The following CSMD1 variants were observed in gnomAD, a reference collection of about 807,000 sequenced individuals.
The protein encoded by CSMD1 is CUB and Sushi multiple domains 1.
CSMD1 carries 213 observed loss-of-function variants against 417.5 expected under a neutral mutation model. The ratio of observed to expected loss-of-function variants is 0.51; its 90% confidence interval spans 0.46 to 0.57. The LOEUF is 0.57. Among genes scored for constraint, CSMD1 ranks in the 20% least tolerant of loss-of-function variants. The pLI is 0.00. For missense variants in CSMD1, 6,923 were observed against 4,529.7 expected, an observed-to-expected ratio of 1.53 and a Z score of -15.17; for synonymous variants, 2,862 against 1,736.8, an observed-to-expected ratio of 1.65 and a Z score of -16.11.
intron 18 of CSMD1, among the ~76,000 whole-genome samples, chr8:3,379,366 T>C (rs983105089): frequency 6.6e-6 from 1 of 152,166 alleles, no homozygotes; most frequent in African/African-American, 2.4e-5. Flanking sequence ...CAAGCTACCA[T>C]TGACTTTCTT....
At chr8:4,814,945 G>C (rs1378632691) in intron 1 of CSMD1, among the ~76,000 whole-genome samples, 1 of 152,040 alleles carries the variant, frequency 6.6e-6, no homozygotes, top group Non-Finnish European at 1.5e-5. Flanking sequence ...CATTATGACT[G>C]TTTATTATAG....
chr8:4,231,128 G>A (rs909997528), intron 3 of CSMD1, among the ~76,000 whole-genome samples: 4 of 152,170 alleles, frequency 2.6e-5, no homozygotes, highest in Non-Finnish European at 4.4e-5. Context: ...AACTACAGAA[G>A]AGTATTACGA....
intron 1 of CSMD1, among the ~76,000 whole-genome samples, chr8:4,765,866 C>T (rs533363761): frequency 6.6e-6 from 1 of 152,138 alleles, no homozygotes; most frequent in Admixed American, 6.6e-5. Context: ...TTCTCTTGGC[C>T]CAGAAGCTAA....
chr8:3,680,640 C>T (rs1196689087), intron 7 of CSMD1, among the ~76,000 whole-genome samples: 1 of 152,188 alleles, frequency 6.6e-6, no homozygotes, highest in Non-Finnish European at 1.5e-5. Context: ...CCTTCTGAAA[C>T]TATTCCAATC....
Position 4,846,793 on chromosome 8 carries a change from G to C in CSMD1, c.85+147539C>G, listed in dbSNP as rs904582232. ...TTTAACTAAGTTAGAAAGTAAATTA[G>C]ACAGCAAATGTGTTTGCAAAACTAT... On this transcript the variant is annotated intron_variant, in intron 1 of 69. Transcript: ENST00000635120. Among the ~76,000 whole-genome samples, 85 of 152,132 alleles carry C rather than the reference G, an allele frequency of 5.6e-4. 3 individuals carry two copies. Among genetic ancestry groups the C allele is most frequent in the Non-Finnish European group, 1.5e-5 (1 of 68,034 alleles).
chr8:4,511,279 G>A (rs987793351), intron 2 of CSMD1, among the ~76,000 whole-genome samples: 4 of 152,124 alleles, frequency 2.6e-5, no homozygotes, highest in Non-Finnish European at 5.9e-5. Flanking sequence ...AATAGTCCCA[G>A]GGCTGGGAGC....
chr8:3,146,885 C>G (rs1369820890), intron 40 of CSMD1, among the ~76,000 whole-genome samples: 1 of 152,178 alleles, frequency 6.6e-6, no homozygotes, highest in East Asian at 1.9e-4. Context: ...AAACTGGCAA[C>G]TGCTTAACTC....
chr8:3,472,764 A>G (rs1245974950), intron 11 of CSMD1, among the ~76,000 whole-genome samples: 2 of 152,184 alleles, frequency 1.3e-5, no homozygotes, highest in South Asian at 2.1e-4. Flanking sequence ...AACTTTACTC[A>G]TAAGTATAAG....
chr8:3,909,930 C>T (rs1044468824), intron 5 of CSMD1, among the ~76,000 whole-genome samples: 4 of 152,104 alleles, frequency 2.6e-5, no homozygotes, highest in Admixed American at 6.5e-5. Flanking sequence ...TCTAATTAGA[C>T]AAGGAAGAAA....
intron 2 of CSMD1, among the ~76,000 whole-genome samples, chr8:4,422,794 G>T (rs189660058): frequency 2.0e-5 from 3 of 152,200 alleles, no homozygotes; most frequent in East Asian, 3.9e-4. Flanking sequence ...CCAAGTAAGA[G>T]AAAATAGAAA....
intron 5 of CSMD1, among the ~76,000 whole-genome samples, chr8:3,925,807 C>A (rs1043872457): frequency 6.6e-5 from 10 of 152,136 alleles, no homozygotes; most frequent in African/African-American, 2.4e-4. Flanking sequence ...ATGTCTTTAT[C>A]AGCAGCATTA....
intron 5 of CSMD1, among the ~76,000 whole-genome samples, chr8:3,863,033 C>T (rs148669447): frequency 0.023 from 3,451 of 152,216 alleles, 50 homozygotes; most frequent in Middle Eastern, 0.054. Flanking sequence ...TTGTCTCTGC[C>T]TCAAAGACGG....
intron 3 of CSMD1, among the ~76,000 whole-genome samples, chr8:4,204,215 T>G (rs576285178): frequency 9.2e-5 from 14 of 152,108 alleles, no homozygotes; most frequent in Non-Finnish European, 1.9e-4. Context: ...AAGTGGTTTT[T>G]CACACCAGAA....
chr8:3,713,188 T>A (rs1042402193), intron 6 of CSMD1, among the ~76,000 whole-genome samples: 1 of 152,220 alleles, frequency 6.6e-6, no homozygotes, highest in African/African-American at 2.4e-5. Context: ...ACCTAAGGGA[T>A]ACATTAATTT....
At chr8:3,207,599 G>A (rs1264130504) in intron 30 of CSMD1, among the ~76,000 whole-genome samples, 3 of 152,064 alleles carry the variant, frequency 2.0e-5, no homozygotes, top group African/African-American at 7.2e-5. Context: ...CTAAGGATAA[G>A]GCAACTTGTT....
chr8:3,269,355 C>G (rs546261240), intron 26 of CSMD1, among the ~76,000 whole-genome samples: 1 of 152,302 alleles, frequency 6.6e-6, no homozygotes, highest in Non-Finnish European at 1.5e-5. Flanking sequence ...CTTGTGCTGC[C>G]CTTCATAGGC....
intron 5 of CSMD1, among the ~76,000 whole-genome samples, chr8:3,807,259 G>C (rs1302726372): frequency 6.6e-6 from 1 of 152,074 alleles, no homozygotes; most frequent in Admixed American, 6.6e-5. Flanking sequence ...TCCATTCTTT[G>C]ATCAACAGAA....
At chr8:4,304,832 C>A (rs547405252) in intron 3 of CSMD1, among the ~76,000 whole-genome samples, 2 of 152,182 alleles carry the variant, frequency 1.3e-5, no homozygotes, top group African/African-American at 4.8e-5. Flanking sequence ...AACCACTGAA[C>A]TTTTGTCTTG....
At chr8:4,697,515 A>G (rs73512923) in intron 1 of CSMD1, among the ~76,000 whole-genome samples, 2,051 of 152,268 alleles carry the variant, frequency 0.013, 33 homozygotes, top group Middle Eastern at 0.037. Context: ...GTGGAATTCT[A>G]TGTCCTGTAT....
Sources: gnomAD v4.1 joint callset for allele counts (sites outside exome capture counted in the v4.1 genomes callset) on GRCh38, gnomAD v4.1.1 for gene constraint, MANE v1.5 for transcripts, NCBI Gene and HGNC (gene_info 2026-07-23, HGNC 2026-07-21) for gene names.